Variants in APIP observed in about 807,000 individuals in gnomAD.
The protein encoded by APIP is APAF1 interacting protein.
Under a neutral mutation model 32.0 loss-of-function variants are expected in APIP, and 32 were observed. That is an observed-to-expected ratio of 1.00 (90% CI 0.76 to 1.34). APIP has a LOEUF of 1.34. Among genes scored for constraint, APIP ranks in the 40% most tolerant of loss-of-function variants. The pLI, the probability that APIP is intolerant of heterozygous loss-of-function variation, is 0.00. For missense variants in APIP, 247 were observed against 298.6 expected, an observed-to-expected ratio of 0.83 and a Z score of 1.27; for synonymous variants, 92 against 94.8, an observed-to-expected ratio of 0.97 and a Z score of 0.17.
intron 1 of APIP, among the ~76,000 whole-genome samples, chr11:34,896,383 T>C (rs1247518355): frequency 6.6e-6 from 1 of 151,044 alleles, no homozygotes; most frequent in Non-Finnish European, 1.5e-5. Context: ...AATGGAATAC[T>C]ATGCAGCCAT....
intron 4 of APIP, 101 bp downstream of exon 4, chr11:34,888,651 A>G (rs1469941026): frequency 3.5e-6 from 4 of 1,156,998 alleles, no homozygotes; most frequent in Non-Finnish European, 4.9e-6. Context: ...GTTCTTGCAC[A>G]TGGTGGGTAT....
intron 5 of APIP, among the ~76,000 whole-genome samples, chr11:34,887,498 C>T (rs145435010): frequency 1.3e-3 from 191 of 152,288 alleles, no homozygotes; most frequent in African/African-American, 4.3e-3. Flanking sequence ...ATCAATTTCT[C>T]AGTGCACTAG....
At position 34,884,723 on chromosome 11, in the gene APIP, C is replaced by CA. The variant is rs3044736; in HGVS notation, c.462-1220dup. Among the ~76,000 whole-genome samples the CA allele has an allele frequency of 4.8e-3, 658 of 137,414 alleles. 5 individuals are homozygous for CA. Among genetic ancestry groups the CA allele is most frequent in the African/African-American group, 0.015 (597 of 39,352 alleles). The allele number at this position is 137,414 out of a possible 152,430, so 90.1% of individuals were successfully genotyped here. Reference sequence around the variant, plus strand: ...TTGGCGACAGAGCCAGACTTAGTCTCAAAAAAAAAAGAAAAAAGTATCCTT... The same window carrying CA: ...TTGGCGACAGAGCCAGACTTAGTCTCAAAAAAAAAAAGAAAAAAGTATCCTT... On this transcript the variant is annotated intron_variant, in intron 5 of 6. Coordinates refer to ENST00000395787, the MANE Select transcript of APIP (RefSeq NM_015957.4).
At chr11:34,885,082 T>C (rs576357919) in intron 5 of APIP, among the ~76,000 whole-genome samples, 2 of 90,264 alleles carry the variant, frequency 2.2e-5, no homozygotes, top group East Asian at 3.9e-4. Flanking sequence ...TATACAACTA[T>C]AATATATGTA....
chr11:34,900,713 A>G (rs918446461), intron 1 of APIP, among the ~76,000 whole-genome samples: 3 of 152,108 alleles, frequency 2.0e-5, no homozygotes, highest in African/African-American at 7.3e-5. Flanking sequence ...GAAGAAGTGG[A>G]AACTCCATTC....
intron 1 of APIP, among the ~76,000 whole-genome samples, chr11:34,898,785 G>GT (rs1458148861): frequency 1.5e-4 from 14 of 92,114 alleles, no homozygotes; most frequent in South Asian, 7.5e-4. Flanking sequence ...TTCTTTCTTT[G>GT]GTTTTTTTTT....
intron 1 of APIP, among the ~76,000 whole-genome samples, chr11:34,895,573 A>T (rs972759106): frequency 5.9e-5 from 9 of 152,236 alleles, no homozygotes; most frequent in Non-Finnish European, 1.2e-4. Flanking sequence ...TTGTATTTTT[A>T]TTCCAAAAAA....
intron 1 of APIP, among the ~76,000 whole-genome samples, chr11:34,908,995 C>T (rs570404730): frequency 6.6e-6 from 1 of 152,208 alleles, no homozygotes; most frequent in South Asian, 2.1e-4. Flanking sequence ...GAAACATTTG[C>T]ACAGTGTCAG....
intron 5 of APIP, among the ~76,000 whole-genome samples, chr11:34,886,400 T>C (rs966221005): frequency 2.6e-5 from 4 of 151,818 alleles, no homozygotes; most frequent in Non-Finnish European, 1.5e-5. Flanking sequence ...AGCTGTACAA[T>C]GTGTGTTTTA....
intron 3 of APIP, among the ~76,000 whole-genome samples, chr11:34,889,715 G>A (rs758107221): frequency 2.6e-4 from 40 of 152,008 alleles, no homozygotes; most frequent in East Asian, 1.9e-4. Context: ...AGCTCCCACT[G>A]TAAGTGAGAA....
intron 1 of APIP, among the ~76,000 whole-genome samples, chr11:34,912,973 TTC>T (rs1233949970): frequency 1.3e-5 from 2 of 152,194 alleles, no homozygotes; most frequent in Admixed American, 6.5e-5. Flanking sequence ...TCCTCCTGTA[TTC>T]TCTTTCTGGT....
intron 1 of APIP, among the ~76,000 whole-genome samples, chr11:34,912,008 C>T (rs1590716430): frequency 1.3e-5 from 2 of 152,100 alleles, no homozygotes; most frequent in African/African-American, 2.4e-5. Flanking sequence ...CTTCAATATA[C>T]GGTTTCTGAG....
intron 4 of APIP, 81 bp downstream of exon 4, chr11:34,888,671 G>A: frequency 8.0e-7 from 1 of 1,246,684 alleles, no homozygotes; most frequent in Non-Finnish European, 1.1e-6. Flanking sequence ...TCCAAGAAAT[G>A]TTAACTGAAA....
chr11:34,890,561 A>C lies in APIP; in HGVS notation c.159-9T>G, dbSNP rs777427533. ...CAATGTAGATTTCATCGCTGGCAAC[A>C]CAAAACATACAAATTGGTATTTATT... On this transcript the variant is annotated splice_polypyrimidine_tract_variant and intron_variant, in intron 2 of 6. Transcript: ENST00000395787. 4 of 1,608,892 alleles carry C rather than the reference A, an allele frequency of 2.5e-6. No individual in the cohort carries two copies. The highest frequency in any genetic ancestry group is 1.1e-5 in the South Asian group (1 of 90,132).
Position 34,888,868 on chromosome 11 carries a change from G to A in APIP, c.209C>T (p.Pro70Leu), listed in dbSNP as rs746714998. 8.2e-6 allele frequency: 12 copies of A among 1,472,276 alleles called. No homozygotes were observed. The African/African-American group carries it at 1.0e-4, about 13-fold the overall frequency. 91.2% of individuals were successfully genotyped at this position (1,472,276 alleles called of 1,614,324 possible). A position where few individuals can be genotyped will look rare whatever the true frequency, so the allele number is the denominator to read the frequency against. The part of the protein sequence containing the change: ...PSGVQKERIQ[P>L]EDMFVCDINE... ...TATATCACAAACAAACATGTCTTCAGGCTATTTATAGAGGGGAAAAAAAGA... is the reference window on the plus strand; with the variant it reads ...TATATCACAAACAAACATGTCTTCAAGCTATTTATAGAGGGGAAAAAAAGA... Residue 70 changes from proline to leucine, a missense_variant and splice_region_variant, in exon 4 of 7, where the codon CCT becomes CTT. Coordinates refer to ENST00000395787, the MANE Select transcript of APIP (RefSeq NM_015957.4).
chr11:34,915,284 T>C (rs547874908), intron 1 of APIP, among the ~76,000 whole-genome samples: 2 of 152,330 alleles, frequency 1.3e-5, no homozygotes, highest in East Asian at 1.9e-4. Context: ...TCTCATCCAA[T>C]CTTGCCTATG....
chr11:34,907,959 C>A (rs570330526), intron 1 of APIP, among the ~76,000 whole-genome samples: 73 of 152,174 alleles, frequency 4.8e-4, no homozygotes, highest in African/African-American at 1.5e-3. Flanking sequence ...TCCCCTCCCC[C>A]ATCTTTTCTT....
intron 1 of APIP, among the ~76,000 whole-genome samples, chr11:34,914,190 G>A (rs1373358074): frequency 2.0e-5 from 3 of 152,046 alleles, no homozygotes; most frequent in African/African-American, 4.8e-5. Context: ...AAGTCATATC[G>A]TCATATGTCA....
At chr11:34,905,753 T>C (rs1383277507) in intron 1 of APIP, among the ~76,000 whole-genome samples, 1 of 152,160 alleles carries the variant, frequency 6.6e-6, no homozygotes, top group Non-Finnish European at 1.5e-5. Flanking sequence ...GGGAGTGGCA[T>C]GCTCTAAGTA....
Sources: gnomAD v4.1 joint callset for allele counts (sites outside exome capture counted in the v4.1 genomes callset) on GRCh38, gnomAD v4.1.1 for gene constraint, MANE v1.5 for transcripts, NCBI Gene and HGNC (gene_info 2026-07-23, HGNC 2026-07-21) for gene names.